Variants in KALRN observed in about 807,000 individuals in gnomAD.
KALRN encodes the protein kalirin.
In KALRN, 70 loss-of-function variants were observed where a neutral mutation model predicts 353.7. The observed-to-expected ratio is 0.20, with a 90% confidence interval of 0.16 to 0.24. The LOEUF (loss-of-function observed/expected upper bound fraction) is 0.24. KALRN is among the 10% of genes least tolerant of loss of function. The pLI is 1.00. For synonymous variants in KALRN, 1,391 were observed against 1,434.8 expected, an observed-to-expected ratio of 0.97 and a Z score of 0.69; for missense variants, 2,791 against 3,756.7, an observed-to-expected ratio of 0.74 and a Z score of 6.72.
intron 34 of KALRN, among the ~76,000 whole-genome samples, chr3:124,587,368 A>G (rs1181829384): frequency 2.6e-5 from 4 of 152,352 alleles, no homozygotes; most frequent in African/African-American, 9.6e-5. Context: ...GGACTTGACC[A>G]TCTGACTTCC....
chr3:124,678,235 A>C lies in KALRN; in HGVS notation c.7239A>C (p.Glu2413Asp). 6.2e-7 allele frequency: 1 copy of C among 1,614,072 alleles called. No homozygotes were observed. Among genetic ancestry groups the C allele is most frequent in the Non-Finnish European group, 8.5e-7 (1 of 1,179,950 alleles). ...WHTLRMRKRAEVENTGKNEAT... is the reference protein window; with the variant it reads ...WHTLRMRKRADVENTGKNEAT... ...CTCTACGCATGAGAAAGCGGGCGGAAGTGGAGAACACGGGTAAAAATGAAG... is the reference window on the plus strand; with the variant it reads ...CTCTACGCATGAGAAAGCGGGCGGACGTGGAGAACACGGGTAAAAATGAAG... The change falls in exon 50 of 60, where the codon GAA becomes GAC. Residue 2413 changes from glutamate (E) to aspartate (D), a missense_variant. By Grantham distance (45) the Glu-to-Asp change is conservative. Transcript: ENST00000682506.
rs539097945 is a variant in KALRN at position 124,426,712 on chromosome 3, A to G, written c.2709+3734A>G. Among the ~76,000 whole-genome samples the G allele has an allele frequency of 6.8e-4, 103 of 152,304 alleles. 1 individual carries two copies. Among genetic ancestry groups the G allele is most frequent in the Admixed American group, 1.8e-3 (27 of 15,298 alleles). ...GAAACCACTCCACTGATTACAGCCC[A>G]TGGAGCAGATCCCTGAACCACTCAA... On this transcript the variant is annotated intron_variant, in intron 15 of 59. Coordinates refer to ENST00000682506, the MANE Select transcript of KALRN (RefSeq NM_001388419.1).
At position 124,659,573 on chromosome 3, in the gene KALRN, G is replaced by C. The variant is rs1274544205; in HGVS notation, c.6216+116G>C. The C allele has an allele frequency of 1.0e-5, 7 of 703,010 alleles. No homozygotes were observed. The East Asian group carries it at 1.8e-4, about 18-fold the overall frequency. The allele number at this position is 703,010 out of a possible 1,614,324, so 43.5% of individuals were successfully genotyped here. On this transcript the variant is annotated intron_variant, in intron 43 of 59. Coordinates refer to ENST00000682506, the MANE Select transcript of KALRN (RefSeq NM_001388419.1). ...CTCCACCACACTGTCCCAAAGGACT[G>C]TGAACTGTGGGAGGGGTGGTAGGGA...
chr3:124,623,360 A>G (rs1042074453), intron 34 of KALRN, among the ~76,000 whole-genome samples: 4 of 147,102 alleles, frequency 2.7e-5, no homozygotes, highest in African/African-American at 7.4e-5. Flanking sequence ...GAGGGACAAC[A>G]GAACTAATAG....
At position 124,703,419 on chromosome 3, in the gene KALRN, C is replaced by T. The variant is rs552078817; in HGVS notation, c.8075+1303C>T. 3.9e-5 allele frequency among the ~76,000 whole-genome samples: 6 copies of T among 152,170 alleles called. No individual in the cohort carries two copies. In the South Asian group the frequency reaches 1.0e-3, roughly 26 times the overall value. The stretch of plus-strand genomic sequence containing the variant: ...CAAATGTTATTTTTGTTTGTTTGAG[C>T]TCTACTGCTTAATACACAAACATTA... On this transcript the variant is annotated intron_variant, in intron 57 of 59. Coordinates refer to ENST00000682506, the MANE Select transcript of KALRN (RefSeq NM_001388419.1).
intron 57 of KALRN, among the ~76,000 whole-genome samples, chr3:124,710,498 C>T (rs1207734816): frequency 6.6e-6 from 1 of 152,052 alleles, no homozygotes; most frequent in Non-Finnish European, 1.5e-5. Flanking sequence ...ATTAAACTGC[C>T]TCTCAGGCCA....
At chr3:124,173,761 A>G (rs2072247387) in intron 1 of KALRN, among the ~76,000 whole-genome samples, 1 of 152,132 alleles carries the variant, frequency 6.6e-6, no homozygotes, top group Non-Finnish European at 1.5e-5. Flanking sequence ...GATTACAGGC[A>G]TGTGCCACCA....
intron 15 of KALRN, among the ~76,000 whole-genome samples, chr3:124,423,490 A>G (rs1211263165): frequency 1.3e-5 from 2 of 152,242 alleles, no homozygotes; most frequent in African/African-American, 4.8e-5. Flanking sequence ...AAGGAAAAAT[A>G]ACTTATCTGC....
intron 34 of KALRN, among the ~76,000 whole-genome samples, chr3:124,615,752 G>T (rs333318): frequency 0.52 from 79,778 of 152,022 alleles, 21,863 homozygotes; most frequent in African/African-American, 0.68. Context: ...TATCTTTAGT[G>T]TGGAATCTGT....
intron 41 of KALRN, 117 bp from the exon 42 acceptor site, chr3:124,658,314 G>T (rs1484074870): frequency 5.2e-6 from 4 of 772,866 alleles, no homozygotes; most frequent in Non-Finnish European, 4.6e-6. Flanking sequence ...AGCTGCCTTG[G>T]TGCGTCCCCA....
intron 15 of KALRN, among the ~76,000 whole-genome samples, chr3:124,423,332 G>A (rs2092869672): frequency 6.6e-6 from 1 of 152,170 alleles, no homozygotes; most frequent in Non-Finnish European, 1.5e-5. Flanking sequence ...ATATATTTAG[G>A]ATGTAGAGTC....
intron 1 of KALRN, among the ~76,000 whole-genome samples, chr3:124,171,327 G>T (rs1254476893): frequency 6.6e-6 from 1 of 152,154 alleles, no homozygotes; most frequent in Non-Finnish European, 1.5e-5. Context: ...AGCTTGACTG[G>T]GGCTGGATGG....
chr3:124,471,213 T>A (rs948456334), intron 25 of KALRN, among the ~76,000 whole-genome samples: 2 of 151,636 alleles, frequency 1.3e-5, no homozygotes, highest in African/African-American at 4.8e-5. Flanking sequence ...GGGTTCTTTT[T>A]ACCTGTGGAT....
chr3:124,356,587 C>A (rs2083445929), intron 10 of KALRN, among the ~76,000 whole-genome samples: 1 of 152,036 alleles, frequency 6.6e-6, no homozygotes, highest in Non-Finnish European at 1.5e-5. Flanking sequence ...CCCACCTTGG[C>A]CTCCCAAAAT....
At chr3:124,638,465 T>C (rs1364229644) in intron 37 of KALRN, among the ~76,000 whole-genome samples, 5 of 152,200 alleles carry the variant, frequency 3.3e-5, no homozygotes, top group African/African-American at 1.2e-4. Context: ...CTACATTGAC[T>C]TTCAAAGACC....
intron 33 of KALRN, among the ~76,000 whole-genome samples, chr3:124,500,279 G>C (rs1265252905): frequency 6.6e-6 from 1 of 152,144 alleles, no homozygotes; most frequent in Non-Finnish European, 1.5e-5. Context: ...AGCATGTATT[G>C]AATACAAATT....
Position 124,448,219 on chromosome 3 carries a change from C to T in KALRN, c.3552+1334C>T, listed in dbSNP as rs536427130. Reference sequence around the variant, plus strand: ...TTGTAACTGTCTTCATATATTTCTCCTCTTTTTCATTCACATAGCTACTAC... The same window carrying T: ...TTGTAACTGTCTTCATATATTTCTCTTCTTTTTCATTCACATAGCTACTAC... On this transcript the variant is annotated intron_variant, in intron 21 of 59. Transcript: ENST00000682506. 9.2e-5 allele frequency among the ~76,000 whole-genome samples: 14 copies of T among 152,268 alleles called. No homozygotes were observed. In the South Asian group the frequency reaches 2.7e-3, roughly 29 times the overall value.
At chr3:124,210,780 C>T (rs1166903493) in intron 1 of KALRN, among the ~76,000 whole-genome samples, 1 of 152,142 alleles carries the variant, frequency 6.6e-6, no homozygotes, top group Non-Finnish European at 1.5e-5. Context: ...GTGAATGCTT[C>T]CAAATTTACA....
chr3:124,717,527 A>G, intron 59 of KALRN, 142 bp downstream of exon 59: 1 of 477,468 alleles, frequency 2.1e-6, no homozygotes, highest in East Asian at 3.6e-5. Context: ...TCTACTAAAA[A>G]TACAAAAAAT....
Sources: gnomAD v4.1 joint callset for allele counts (sites outside exome capture counted in the v4.1 genomes callset) on GRCh38, gnomAD v4.1.1 for gene constraint, MANE v1.5 for transcripts, NCBI Gene and HGNC (gene_info 2026-07-23, HGNC 2026-07-21) for gene names.